Variants in ASAP2 observed in about 807,000 individuals in gnomAD.
ASAP2 encodes arf-GAP with SH3 domain, ANK repeat and PH domain-containing protein 2.
A neutral mutation model predicts 131.4 loss-of-function variants in ASAP2; 45 were observed. The ratio of observed to expected loss-of-function variants is 0.34; its 90% CI spans 0.27 to 0.44. The LOEUF is 0.44. Ranked by LOEUF, ASAP2 falls within the 20% of genes least tolerant of loss-of-function variation. The probability of loss-of-function intolerance (pLI) is 1.00; values close to 1 mark genes in which losing one functional copy is unlikely to be tolerated. For synonymous variants in ASAP2, 510 were observed against 503.0 expected (o/e 1.01, Z -0.19); for missense variants, 1,011 against 1,297.0 (o/e 0.78, Z 3.39).
intron 3 of ASAP2, 61 bp from the exon 4 acceptor site, chr2:9,318,463 G>C: frequency 4.0e-6 from 5 of 1,264,906 alleles, no homozygotes; most frequent in Non-Finnish European, 5.7e-6. Flanking sequence ...TGTCCTTGCT[G>C]TCCTTACTTT....
In ASAP2 at chr2:9,338,075, G is replaced by A. The variant is rs140744556; in HGVS notation, c.849+2896G>A. On this transcript the variant is annotated intron_variant, in intron 9 of 27. Coordinates refer to ENST00000281419, the MANE Select transcript of ASAP2 (RefSeq NM_003887.3). ...CCTCCTGCCTTCCCCATCCCACGTC[G>A]TCCATCCGATGGTGTTCTGCCAGGA... Among the ~76,000 whole-genome samples, 422 of 152,214 alleles carry A rather than the reference G, an allele frequency of 2.8e-3. 2 individuals carry two copies. Among genetic ancestry groups the A allele is most frequent in the African/African-American group, 9.6e-3 (398 of 41,530 alleles).
At chr2:9,209,769 A>G (rs1391081122) in intron 1 of ASAP2, among the ~76,000 whole-genome samples, 2 of 152,266 alleles carry the variant, frequency 1.3e-5, no homozygotes, top group South Asian at 2.1e-4. Flanking sequence ...GGGTTTCACC[A>G]TGTTGGTCAG....
At position 9,400,018 on chromosome 2, in the gene ASAP2, T is replaced by C; in HGVS notation, c.2685-5T>C. ...AGTAAATCTACTTTTTCCCTGTCTTTGTAGGGCTGACAAGTCCACCCCACT... is the reference window on the plus strand; with the variant it reads ...AGTAAATCTACTTTTTCCCTGTCTTCGTAGGGCTGACAAGTCCACCCCACT... On this transcript the variant is annotated splice_region_variant and splice_polypyrimidine_tract_variant and intron_variant, in intron 24 of 27. Transcript: ENST00000281419. 6.2e-7 allele frequency: 1 copy of C among 1,613,234 alleles called. No individual in the cohort carries two copies. Among genetic ancestry groups the C allele is most frequent in the African/African-American group, 1.3e-5 (1 of 74,950 alleles).
rs1221710701 is a variant in ASAP2, at chr2:9,217,387, C to T, written c.126+10157C>T. Among the ~76,000 whole-genome samples, 1 of 152,226 alleles carries T rather than the reference C, an allele frequency of 6.6e-6. No individual in the cohort carries two copies. Among genetic ancestry groups the T allele is most frequent in the African/African-American group, 2.4e-5 (1 of 41,454 alleles). ...GCAGAGTGGCCAGGGGCATTGCTCACACCCTGGCAGGAGGCCTTCCCTGCT... is the reference window on the plus strand; with the variant it reads ...GCAGAGTGGCCAGGGGCATTGCTCATACCCTGGCAGGAGGCCTTCCCTGCT... On this transcript the variant is annotated intron_variant, in intron 1 of 27. Coordinates refer to ENST00000281419, the MANE Select transcript of ASAP2 (RefSeq NM_003887.3). This position sits in a 1 kb window ranked among gnomAD's most constrained non-coding sequence, Gnocchi z 4.0.
intron 21 of ASAP2, among the ~76,000 whole-genome samples, chr2:9,385,626 G>A (rs912582437): frequency 1.3e-5 from 2 of 152,178 alleles, no homozygotes; most frequent in African/African-American, 2.4e-5. Context: ...GTGTGTGGCG[G>A]GGGGGTTGAT....
chr2:9,377,071 G>A (rs940620863), intron 18 of ASAP2, 78 bp downstream of exon 18: 5 of 1,261,404 alleles, frequency 4.0e-6, no homozygotes, highest in East Asian at 2.3e-5. Context: ...CTGCCTCATC[G>A]CTTCTGATGT....
intron 2 of ASAP2, among the ~76,000 whole-genome samples, chr2:9,282,806 C>G (rs944705311): frequency 6.6e-6 from 1 of 152,222 alleles, no homozygotes; most frequent in Non-Finnish European, 1.5e-5. Flanking sequence ...GATTTCCTGC[C>G]TGCTTTCCTG....
chr2:9,267,493 G>A (rs1353403460), intron 1 of ASAP2, among the ~76,000 whole-genome samples: 1 of 152,098 alleles, frequency 6.6e-6, no homozygotes, highest in African/African-American at 2.4e-5. Context: ...TTTTATGGCT[G>A]CGTCATATTC....
At chr2:9,225,519 A>T in intron 1 of ASAP2, among the ~76,000 whole-genome samples, 1 of 152,196 alleles carries the variant, frequency 6.6e-6, no homozygotes, top group South Asian at 2.1e-4. Context: ...CTCTGAGGTC[A>T]TGAGTAAGTC....
chr2:9,208,547 A>G (rs1661311444), intron 1 of ASAP2, among the ~76,000 whole-genome samples: 1 of 152,136 alleles, frequency 6.6e-6, no homozygotes, highest in Non-Finnish European at 1.5e-5. Context: ...AGTCAAAAGT[A>G]ACATTCAGCA....
chr2:9,254,728 A>G (rs578089526), intron 1 of ASAP2, among the ~76,000 whole-genome samples: 35 of 151,702 alleles, frequency 2.3e-4, no homozygotes, highest in Non-Finnish European at 4.1e-4. Context: ...AACCCAGTAT[A>G]TACAGGATTT....
At chr2:9,334,509 A>G (rs1671069422) in intron 7 of ASAP2, among the ~76,000 whole-genome samples, 1 of 152,160 alleles carries the variant, frequency 6.6e-6, no homozygotes, top group African/African-American at 2.4e-5. Flanking sequence ...GGGTCGAGAA[A>G]AATCTCAAAT....
intron 1 of ASAP2, among the ~76,000 whole-genome samples, chr2:9,215,271 G>A (rs74918022): frequency 1.6e-3 from 245 of 152,236 alleles, no homozygotes; most frequent in African/African-American, 5.8e-3. Context: ...GTGGTTCATT[G>A]TTGACTGAAA....
At position 9,390,529 on chromosome 2, in the gene ASAP2, A is replaced by G. The variant is rs1364996562; in HGVS notation, c.2384-533A>G. ...GGGTCACCTGAACCTGATTGGTGTCATCTGTGTCTGCTTCCAGCCAGAAAT... is the reference window on the plus strand; with the variant it reads ...GGGTCACCTGAACCTGATTGGTGTCGTCTGTGTCTGCTTCCAGCCAGAAAT... On this transcript the variant is annotated intron_variant, in intron 22 of 27. Coordinates refer to ENST00000281419, the MANE Select transcript of ASAP2 (RefSeq NM_003887.3). Among the ~76,000 whole-genome samples, 3 of 152,234 alleles carry G rather than the reference A, an allele frequency of 2.0e-5. No individual in the cohort carries two copies. In the East Asian group the frequency reaches 5.8e-4, roughly 29 times the overall value.
chr2:9,378,503 C>G (rs1674575382), intron 18 of ASAP2, among the ~76,000 whole-genome samples: 1 of 152,236 alleles, frequency 6.6e-6, no homozygotes, highest in Admixed American at 6.5e-5. Flanking sequence ...AAAGCTCAGC[C>G]TCCGTCCTCC....
intron 11 of ASAP2, among the ~76,000 whole-genome samples, chr2:9,348,141 T>TG (rs1262556551): frequency 4.9e-4 from 75 of 152,272 alleles, no homozygotes; most frequent in Non-Finnish European, 7.8e-4. Context: ...TTTGTTTGTT[T>TG]TTTTCTTTTT....
At chr2:9,269,814 G>A (rs1228514158) in intron 1 of ASAP2, among the ~76,000 whole-genome samples, 2 of 152,204 alleles carry the variant, frequency 1.3e-5, no homozygotes, top group African/African-American at 4.8e-5. Flanking sequence ...GACAGCACAG[G>A]TGTGGAAAAT....
At chr2:9,258,531 A>G (rs192274176) in intron 1 of ASAP2, among the ~76,000 whole-genome samples, 5 of 152,264 alleles carry the variant, frequency 3.3e-5, no homozygotes, top group East Asian at 1.9e-4. Flanking sequence ...TAAGGCCCCA[A>G]TCCGAGTAGG....
At chr2:9,385,204 GTGTA>G (rs1675175927) in intron 20 of ASAP2, 37 bp from the exon 21 acceptor site, 1 of 1,484,658 alleles carries the variant, frequency 6.7e-7, no homozygotes, top group Admixed American at 1.7e-5. Context: ...GCATGGCCGA[GTGTA>G]TGAGCAACAG....
Sources: gnomAD v4.1 joint callset for allele counts (sites outside exome capture counted in the v4.1 genomes callset) on GRCh38, gnomAD v4.1.1 for gene constraint, Gnocchi (gnomAD v3.1) non-coding constraint, MANE v1.5 for transcripts, NCBI Gene and HGNC (gene_info 2026-07-23, HGNC 2026-07-21) for gene names.